The following HIPK2 variants were observed in gnomAD, a reference collection of about 807,000 sequenced individuals.
The protein encoded by HIPK2 is homeodomain interacting protein kinase 2.
HIPK2 carries 27 observed loss-of-function variants against 113.7 expected under a neutral mutation model. The ratio of observed to expected loss-of-function variants is 0.24; its 90% CI spans 0.17 to 0.33. The LOEUF (loss-of-function observed/expected upper bound fraction) is 0.33. Ranked by LOEUF, HIPK2 falls within the 10% of genes least tolerant of loss-of-function variation. The pLI, the probability that HIPK2 is intolerant of heterozygous loss-of-function variation, is 1.00. For synonymous variants in HIPK2, 631 were observed against 642.2 expected (o/e 0.98, Z 0.26); for missense variants, 1,257 against 1,588.0 (o/e 0.79, Z 3.54).
rs924738910 is a variant in HIPK2 at position 139,567,435 on chromosome 7, G to A, written c.*5492C>T. ...AAAAAGGACAGAGAGGAAAGAGAAA[G>A]ACAAATAGAATTGCATCACTAATGA... is the stretch of plus-strand genomic sequence containing the variant. On this transcript the variant is annotated 3_prime_UTR_variant, in exon 15 of 15. Coordinates refer to ENST00000406875, the MANE Select transcript of HIPK2 (RefSeq NM_022740.5). The A allele has an allele frequency of 1.3e-5, 2 of 151,744 alleles. No homozygotes were observed. The highest frequency in any genetic ancestry group is 4.8e-5 in the African/African-American group (2 of 41,286). The allele number at this position is 151,744 out of a possible 1,614,324, so 9.4% of individuals were successfully genotyped here.
intron 1 of HIPK2, among the ~76,000 whole-genome samples, chr7:139,763,610 C>T (rs1290401245): frequency 1.3e-5 from 2 of 152,000 alleles, no homozygotes; most frequent in Admixed American, 6.6e-5. Flanking sequence ...TGGACCTTTA[C>T]AGAAAAAGTT....
intron 2 of HIPK2, among the ~76,000 whole-genome samples, chr7:139,700,630 T>C (rs1794681940): frequency 6.6e-6 from 1 of 152,226 alleles, no homozygotes; most frequent in African/African-American, 2.4e-5. Context: ...AATCTATAAA[T>C]GATATTTCCT....
chr7:139,732,197 G>T (rs1025019846), intron 1 of HIPK2, among the ~76,000 whole-genome samples: 1 of 152,220 alleles, frequency 6.6e-6, no homozygotes, highest in African/African-American at 2.4e-5. Flanking sequence ...AGGTGCTTTT[G>T]TGTGTGTGTT....
chr7:139,691,155 C>T (rs971982861), intron 2 of HIPK2, among the ~76,000 whole-genome samples: 5 of 152,192 alleles, frequency 3.3e-5, no homozygotes, highest in Non-Finnish European at 7.4e-5. Flanking sequence ...AAAAGGAAAA[C>T]GCCCCCCTAC....
intron 12 of HIPK2, among the ~76,000 whole-genome samples, chr7:139,587,104 C>T (rs1798856360): frequency 6.6e-6 from 1 of 151,862 alleles, no homozygotes; most frequent in Non-Finnish European, 1.5e-5. Context: ...TATATTTTAC[C>T]ACAATTAAAA....
In HIPK2 at chr7:139,572,764, G is replaced by GCCCCCCCCCCCCCCCCCCCCC. The variant is rs71170903; in HGVS notation, c.*162_*163insGGGGGGGGGGGGGGGGGGGGG. On this transcript the variant is annotated 3_prime_UTR_variant, in exon 15 of 15. Coordinates refer to ENST00000406875, the MANE Select transcript of HIPK2 (RefSeq NM_022740.5). ...GTCCCGACCCGTCCCCCTGCCCTCT[G>GCCCCCCCCCCCCCCCCCCCCC]CCCCCCCCCCCCCCCCCGCCCCTGC... 6.8e-5 allele frequency: 2 copies of GCCCCCCCCCCCCCCCCCCCCC among 29,326 alleles called. 1 individual carries two copies. 1.8% of individuals were successfully genotyped at this position (29,326 alleles called of 1,614,324 possible).
At position 139,569,021 on chromosome 7, in the gene HIPK2, C is replaced by A. The variant is rs551383348; in HGVS notation, c.*3906G>T. ...CTGGGGACAGCGTGTGAGCACCCAGCGCACACAGCACAGTGCACTGAAGAT... is the reference window on the plus strand; with the variant it reads ...CTGGGGACAGCGTGTGAGCACCCAGAGCACACAGCACAGTGCACTGAAGAT... On this transcript the variant is annotated 3_prime_UTR_variant, in exon 15 of 15. Coordinates refer to ENST00000406875, the MANE Select transcript of HIPK2 (RefSeq NM_022740.5). 1 of 152,340 alleles carries A rather than the reference C, an allele frequency of 6.6e-6. No individual in the cohort carries two copies. The highest frequency in any genetic ancestry group is 6.5e-5 in the Admixed American group (1 of 15,286). The allele number at this position is 152,340 out of a possible 1,614,324, so 9.4% of individuals were successfully genotyped here. A position where few individuals can be genotyped will look rare whatever the true frequency, so the allele number is the denominator to read the frequency against.
intron 2 of HIPK2, among the ~76,000 whole-genome samples, chr7:139,703,976 CACA>C (rs1426758846): frequency 2.0e-4 from 26 of 129,316 alleles, no homozygotes; most frequent in African/African-American, 4.8e-4. Context: ...ACACCACACA[CACA>C]ACCACACCCA....
chr7:139,735,571 T>C (rs1267364795), intron 1 of HIPK2, among the ~76,000 whole-genome samples: 2 of 152,164 alleles, frequency 1.3e-5, no homozygotes, highest in African/African-American at 4.8e-5. Context: ...ACTGGCATTG[T>C]GAAAGAAAGG....
At chr7:139,747,963 A>C (rs57841895) in intron 1 of HIPK2, among the ~76,000 whole-genome samples, 6,752 of 152,316 alleles carry the variant, frequency 0.044, 480 homozygotes, top group African/African-American at 0.15. Context: ...CGAGAGAGAC[A>C]TCAGTACGGA....
At position 139,564,996 on chromosome 7, in the gene HIPK2, T is replaced by C. The variant is rs562954769; in HGVS notation, c.*7931A>G. The C allele has an allele frequency of 6.6e-6, 1 of 152,338 alleles. No individual in the cohort carries two copies. Among genetic ancestry groups the C allele is most frequent in the East Asian group, 1.9e-4 (1 of 5,196 alleles). 9.4% of individuals were successfully genotyped at this position (152,338 alleles called of 1,614,324 possible). ...TAATTTTTGTTGTAAAGATGAGCTA[T>C]TTTCAGAATTCACTTAAGCAACGAT... On this transcript the variant is annotated 3_prime_UTR_variant, in exon 15 of 15. Transcript: ENST00000406875.
rs563976635 is a variant in HIPK2, at chr7:139,568,801, T to G, written c.*4126A>C. The G allele has an allele frequency of 6.6e-6, 1 of 152,396 alleles. No individual in the cohort carries two copies. Among genetic ancestry groups the G allele is most frequent in the East Asian group, 1.9e-4 (1 of 5,192 alleles). 9.4% of individuals were successfully genotyped at this position (152,396 alleles called of 1,614,324 possible). ...GGAGCTGGCCTCTCCTGCAGGGAGC[T>G]TCTCTTGGGGCTTCTGATGTGGCAG... On this transcript the variant is annotated 3_prime_UTR_variant, in exon 15 of 15. Coordinates refer to ENST00000406875, the MANE Select transcript of HIPK2 (RefSeq NM_022740.5).
At chr7:139,671,421 T>C (rs1031205282) in intron 2 of HIPK2, among the ~76,000 whole-genome samples, 5 of 152,252 alleles carry the variant, frequency 3.3e-5, no homozygotes, top group Admixed American at 6.5e-5. Flanking sequence ...GTAATTGCCC[T>C]GCACCTATCT....
intron 12 of HIPK2, among the ~76,000 whole-genome samples, chr7:139,593,676 A>C (rs2116628948): frequency 6.6e-6 from 1 of 152,330 alleles, no homozygotes; most frequent in Middle Eastern, 3.4e-3. Flanking sequence ...ATTAACCAGC[A>C]TTTTAGGCAA....
At chr7:139,726,599 G>A (rs1301701608) in intron 1 of HIPK2, among the ~76,000 whole-genome samples, 1 of 152,226 alleles carries the variant, frequency 6.6e-6, no homozygotes, top group East Asian at 1.9e-4. Flanking sequence ...TCTGAGGCAA[G>A]AAATTGCTTA....
At chr7:139,752,949 C>G (rs1796304411) in intron 1 of HIPK2, among the ~76,000 whole-genome samples, 1 of 152,148 alleles carries the variant, frequency 6.6e-6, no homozygotes, top group African/African-American at 2.4e-5. Context: ...CAGAAATGAG[C>G]ACAAGTTTGT....
rs772575627 is a variant in HIPK2 at position 139,670,073 on chromosome 7, G to A, written c.1104-38348C>T. Among the ~76,000 whole-genome samples the A allele has an allele frequency of 7.4e-4, 112 of 152,294 alleles. 2 individuals carry two copies. Among genetic ancestry groups the A allele is most frequent in the Non-Finnish European group, 6.2e-4 (42 of 68,024 alleles). ...TTGAAATTACTCTCAAATTGCTTTC[G>A]GAGGTTTGGCAAGTGAGACAATACA... On this transcript the variant is annotated intron_variant, in intron 2 of 14. Transcript: ENST00000406875.
intron 9 of HIPK2, among the ~76,000 whole-genome samples, chr7:139,605,437 T>G (rs1799587967): frequency 6.6e-6 from 1 of 152,216 alleles, no homozygotes; most frequent in East Asian, 1.9e-4. Flanking sequence ...TAGCCATCTC[T>G]CTTTCTATCA....
intron 13 of HIPK2, chr7:139,583,553 A>G (rs1380918109): frequency 2.2e-6 from 1 of 449,466 alleles, no homozygotes; most frequent in Non-Finnish European, 4.0e-6. Flanking sequence ...ATTTTCTATT[A>G]ATCAACCTAG....
Sources: gnomAD v4.1 joint callset for allele counts (sites outside exome capture counted in the v4.1 genomes callset) on GRCh38, gnomAD v4.1.1 for gene constraint, MANE v1.5 for transcripts, NCBI Gene and HGNC (gene_info 2026-07-23, HGNC 2026-07-21) for gene names.